The following GALNTL6 variants were observed in gnomAD, a reference collection of about 807,000 sequenced individuals.
GALNTL6 encodes the protein polypeptide N-acetylgalactosaminyltransferase like 6.
In GALNTL6, 46 loss-of-function variants were observed where a neutral mutation model predicts 73.7. That is an observed-to-expected ratio of 0.62 (90% CI 0.49 to 0.80). GALNTL6 has a LOEUF of 0.80. Ranked by LOEUF, GALNTL6 falls within the 30% of genes least tolerant of loss-of-function variation. The probability of loss-of-function intolerance (pLI) is 0.00; values close to 1 mark genes in which losing one functional copy is unlikely to be tolerated. For synonymous variants in GALNTL6, 259 were observed against 263.7 expected, an observed-to-expected ratio of 0.98 and a Z score of 0.17; for missense variants, 604 against 755.0, an observed-to-expected ratio of 0.80 and a Z score of 2.34.
chr4:171,896,386 G>C (rs1354643685), intron 2 of GALNTL6, among the ~76,000 whole-genome samples: 1 of 152,036 alleles, frequency 6.6e-6, no homozygotes, highest in Non-Finnish European at 1.5e-5. Context: ...TGACCTACAT[G>C]GTGCCTAGAT....
chr4:172,479,267 A>G (rs1183675892), intron 5 of GALNTL6, among the ~76,000 whole-genome samples: 1 of 152,198 alleles, frequency 6.6e-6, no homozygotes, highest in Non-Finnish European at 1.5e-5. Context: ...AGTCAACCTA[A>G]GTGCCCATCA....
intron 4 of GALNTL6, among the ~76,000 whole-genome samples, chr4:172,346,941 GAA>G (rs1371114638): frequency 1.3e-5 from 2 of 150,134 alleles, no homozygotes; most frequent in Non-Finnish European, 3.0e-5. Context: ...ATATGACTCT[GAA>G]AAGTCATGAG....
intron 5 of GALNTL6, among the ~76,000 whole-genome samples, chr4:172,419,329 C>A (rs1042638438): frequency 6.6e-6 from 1 of 152,132 alleles, no homozygotes; most frequent in African/African-American, 2.4e-5. Flanking sequence ...CTCATAGGTT[C>A]ATTGTGAGGA....
chr4:172,032,516 A>T (rs1741798607), intron 2 of GALNTL6, among the ~76,000 whole-genome samples: 1 of 152,072 alleles, frequency 6.6e-6, no homozygotes, highest in Non-Finnish European at 1.5e-5. Context: ...GTTGAATATC[A>T]GTAGATATTT....
intron 2 of GALNTL6, among the ~76,000 whole-genome samples, chr4:171,848,497 TATG>T (rs925828807): frequency 4.6e-5 from 7 of 152,226 alleles, no homozygotes; most frequent in African/African-American, 9.6e-5. Context: ...CCTCTCTATC[TATG>T]ATATTTTTTC....
chr4:171,973,365 T>C (rs62328362), intron 2 of GALNTL6, among the ~76,000 whole-genome samples: 67,845 of 152,030 alleles, frequency 0.45, 18,105 homozygotes, highest in Non-Finnish European at 0.59. Flanking sequence ...AACTTTGACA[T>C]TAAAATGATG....
At chr4:172,768,652 T>C (rs553955889) in intron 5 of GALNTL6, among the ~76,000 whole-genome samples, 1 of 152,262 alleles carries the variant, frequency 6.6e-6, no homozygotes, top group African/African-American at 2.4e-5. Context: ...GGTGCCACCA[T>C]TTTTACACCA....
chr4:172,057,729 TATATATATATA>T (rs1731071686), intron 2 of GALNTL6, among the ~76,000 whole-genome samples: 1 of 72,306 alleles, frequency 1.4e-5, no homozygotes, highest in Admixed American at 1.6e-4. Context: ...AAAAAAAAAA[TATATATATATA>T]TATATATATA....
chr4:172,498,913 A>G (rs745841406), intron 5 of GALNTL6, among the ~76,000 whole-genome samples: 1 of 152,192 alleles, frequency 6.6e-6, no homozygotes, highest in Non-Finnish European at 1.5e-5. Context: ...GCTGCCTTCT[A>G]AAATGACATT....
chr4:172,093,558 G>A (rs1055208014), intron 2 of GALNTL6, among the ~76,000 whole-genome samples: 2 of 152,214 alleles, frequency 1.3e-5, no homozygotes, highest in Admixed American at 6.5e-5. Flanking sequence ...TGGGTGGGAC[G>A]CAGAGCAGGA....
chr4:171,932,316 T>C (rs1286355780), intron 2 of GALNTL6, among the ~76,000 whole-genome samples: 1 of 152,228 alleles, frequency 6.6e-6, no homozygotes, highest in African/African-American at 2.4e-5. Flanking sequence ...GAAGTTACAA[T>C]ACATAACCTG....
intron 5 of GALNTL6, among the ~76,000 whole-genome samples, chr4:172,421,486 G>C (rs1011112397): frequency 7.3e-5 from 11 of 151,538 alleles, no homozygotes; most frequent in Admixed American, 6.6e-4. Flanking sequence ...ATGGCTAAGA[G>C]AGAAAAATAA....
At chr4:171,885,571 C>A (rs1439436086) in intron 2 of GALNTL6, among the ~76,000 whole-genome samples, 1 of 152,044 alleles carries the variant, frequency 6.6e-6, no homozygotes, top group East Asian at 1.9e-4. Context: ...TTTGGGAGGC[C>A]AAAGCAGGAG....
chr4:172,489,998 A>G (rs1021486241), intron 5 of GALNTL6, among the ~76,000 whole-genome samples: 10 of 152,232 alleles, frequency 6.6e-5, no homozygotes, highest in Non-Finnish European at 1.5e-4. Flanking sequence ...GGCAACTAGT[A>G]GAGACAGATG....
intron 2 of GALNTL6, among the ~76,000 whole-genome samples, chr4:172,149,591 C>A (rs1163072061): frequency 2.0e-5 from 3 of 152,136 alleles, no homozygotes; most frequent in Non-Finnish European, 2.9e-5. Context: ...CTTAAAGCTG[C>A]TGCCACCGCC....
chr4:172,466,105 G>C (rs940514246), intron 5 of GALNTL6, among the ~76,000 whole-genome samples: 2 of 152,160 alleles, frequency 1.3e-5, no homozygotes, highest in African/African-American at 4.8e-5. Flanking sequence ...GTAACATTTT[G>C]AAGGAACGAT....
intron 2 of GALNTL6, among the ~76,000 whole-genome samples, chr4:171,929,819 C>T (rs1402351133): frequency 6.6e-6 from 1 of 152,190 alleles, no homozygotes; most frequent in Non-Finnish European, 1.5e-5. Context: ...AAACCAACAC[C>T]CAGGCCAACA....
At chr4:171,985,282 A>C (rs1455296369) in intron 2 of GALNTL6, among the ~76,000 whole-genome samples, 2 of 152,230 alleles carry the variant, frequency 1.3e-5, no homozygotes, top group East Asian at 3.9e-4. Context: ...CACGTCTCAC[A>C]TGGCAGCAAG....
chr4:172,772,126 T>TA, intron 5 of GALNTL6, among the ~76,000 whole-genome samples: 1 of 152,260 alleles, frequency 6.6e-6, no homozygotes, highest in East Asian at 1.9e-4. Context: ...TCATGAGACT[T>TA]ATTCACTATC....
Sources: allele counts gnomAD v4.1 joint callset (sites outside exome capture counted in the v4.1 genomes callset), GRCh38; gene constraint gnomAD v4.1.1; transcripts MANE v1.5; gene names NCBI Gene and HGNC (gene_info 2026-07-23, HGNC 2026-07-21).